The following GALNT10 variants were observed in gnomAD, a reference collection of about 807,000 sequenced individuals.
GALNT10 encodes GalNAc transferase 10.
A neutral mutation model predicts 75.0 loss-of-function variants in GALNT10; 41 were observed. The ratio of observed to expected loss-of-function variants is 0.55; its 90% confidence interval spans 0.43 to 0.71. The LOEUF (loss-of-function observed/expected upper bound fraction) is 0.71, where lower values mean the gene tolerates loss of function less well. Ranked by LOEUF, GALNT10 falls within the 30% of genes least tolerant of loss-of-function variation. GALNT10 has a pLI of 0.00. For missense variants in GALNT10, 727 were observed against 818.5 expected (o/e 0.89, Z 1.36); for synonymous variants, 302 against 313.0 (o/e 0.96, Z 0.37).
chr5:154,224,841 C>T lies in GALNT10; in HGVS notation c.159+33816C>T, dbSNP rs570358124. ...TGTCTCCCAGGTTAGAGTGCAGTGG[C>T]AGGATCTCGGCTCGCTGCAACCTCC... On this transcript the variant is annotated intron_variant, in intron 1 of 11. Coordinates refer to ENST00000297107, the MANE Select transcript of GALNT10 (RefSeq NM_198321.4). Among the ~76,000 whole-genome samples the T allele has an allele frequency of 1.6e-4, 23 of 141,330 alleles. No homozygotes were observed. The East Asian group carries it at 4.9e-3, about 30-fold the overall frequency. The allele number at this position is 141,330 out of a possible 152,430, so 92.7% of individuals were successfully genotyped here. A position where few individuals can be genotyped will look rare whatever the true frequency, so the allele number is the denominator to read the frequency against.
chr5:154,236,819 G>A (rs932191941), intron 1 of GALNT10, among the ~76,000 whole-genome samples: 1 of 152,214 alleles, frequency 6.6e-6, no homozygotes, highest in Non-Finnish European at 1.5e-5. Flanking sequence ...CCCCAGGGTG[G>A]TTGATGGATG....
At chr5:154,384,113 G>A (rs1022382115) in intron 6 of GALNT10, among the ~76,000 whole-genome samples, 1 of 152,064 alleles carries the variant, frequency 6.6e-6, no homozygotes, top group African/African-American at 2.4e-5. Flanking sequence ...CAGCAGCATG[G>A]GGGTAACTGC....
At chr5:154,390,732 ATGGAGAAAGAT>A in intron 7 of GALNT10, among the ~76,000 whole-genome samples, 1 of 152,304 alleles carries the variant, frequency 6.6e-6, no homozygotes, top group East Asian at 1.9e-4. Flanking sequence ...AGAACAGTGA[ATGGAGAAAGAT>A]TTGCACAAAG....
At chr5:154,393,680 C>A (rs1022888517) in intron 7 of GALNT10, among the ~76,000 whole-genome samples, 5 of 151,946 alleles carry the variant, frequency 3.3e-5, no homozygotes, top group African/African-American at 9.7e-5. Context: ...AAAAAAAGTT[C>A]TTTTAATTAG....
intron 4 of GALNT10, among the ~76,000 whole-genome samples, chr5:154,363,718 T>A (rs553542095): frequency 6.6e-6 from 1 of 152,172 alleles, no homozygotes; most frequent in South Asian, 2.1e-4. Context: ...GGGAACTTCA[T>A]GAGTGGTCAT....
At chr5:154,386,771 G>GACATAAGAAGT (rs1329115112) in intron 7 of GALNT10, 2 of 503,228 alleles carry the variant, frequency 4.0e-6, no homozygotes, top group African/African-American at 2.0e-5. Flanking sequence ...TAAGCAGTGG[G>GACATAAGAAGT]CCAGAGAAGC....
intron 1 of GALNT10, among the ~76,000 whole-genome samples, chr5:154,226,325 G>A (rs1205567627): frequency 1.3e-5 from 2 of 152,080 alleles, no homozygotes; most frequent in Non-Finnish European, 2.9e-5. Context: ...GTTTTCTACA[G>A]ACCTTCCAAG....
chr5:154,415,984 C>A (rs766603462), intron 11 of GALNT10, 52 bp downstream of exon 11: 7 of 1,534,702 alleles, frequency 4.6e-6, no homozygotes, highest in East Asian at 2.3e-5. Context: ...TTTTTTAAGG[C>A]AATACAGTGC....
Position 154,404,911 on chromosome 5 carries a change from T to C in GALNT10, c.1164+700T>C, listed in dbSNP as rs548683302. 2.0e-5 allele frequency among the ~76,000 whole-genome samples: 3 copies of C among 152,352 alleles called. No homozygotes were observed. In the South Asian group the frequency reaches 6.2e-4, roughly 32 times the overall value. ...CTATCAATCATTGCTTCAATTAAAT[T>C]GGCCACTGGCTGCAAATGGAAATCT... On this transcript the variant is annotated intron_variant, in intron 8 of 11. Coordinates refer to ENST00000297107, the MANE Select transcript of GALNT10 (RefSeq NM_198321.4).
At chr5:154,306,840 T>TCAG (rs745305824) in intron 3 of GALNT10, among the ~76,000 whole-genome samples, 8 of 151,958 alleles carry the variant, frequency 5.3e-5, no homozygotes, top group Non-Finnish European at 1.2e-4. Context: ...AGACAGAAAA[T>TCAG]CAGCAAGGAT....
intron 6 of GALNT10, among the ~76,000 whole-genome samples, chr5:154,384,427 T>G (rs1755777717): frequency 6.6e-6 from 1 of 152,254 alleles, no homozygotes; most frequent in Non-Finnish European, 1.5e-5. Context: ...TATTATCGTT[T>G]TAACATGTAA....
chr5:154,220,344 A>G (rs796585717), intron 1 of GALNT10: 20 of 152,354 alleles, frequency 1.3e-4, no homozygotes, highest in African/African-American at 4.6e-4. Context: ...TGAGTTACTA[A>G]TTAATTCAAC....
intron 1 of GALNT10, among the ~76,000 whole-genome samples, chr5:154,241,351 C>T (rs1180825408): frequency 2.6e-5 from 4 of 152,140 alleles, no homozygotes; most frequent in Non-Finnish European, 5.9e-5. Context: ...TAGAGGACAA[C>T]AGCAACATAA....
At position 154,409,466 on chromosome 5, in the gene GALNT10, A is replaced by G. The variant is rs766225218; in HGVS notation, c.1165-75A>G. 2.1e-6 allele frequency: 2 copies of G among 951,290 alleles called. No individual in the cohort carries two copies. The highest frequency in any genetic ancestry group is 2.4e-5 in the East Asian group (1 of 41,904). 58.9% of individuals were successfully genotyped at this position (951,290 alleles called of 1,614,324 possible). On this transcript the variant is annotated intron_variant, in intron 8 of 11. Transcript: ENST00000297107. This position sits in a 1 kb window ranked among gnomAD's most constrained non-coding sequence, Gnocchi z 4.5. ...TAAGAAGGGTTGACCTCGACCTGCC[A>G]GGACCCTTTTCACCCCACTGCCTGG...
intron 7 of GALNT10, chr5:154,388,265 AAT>A (rs1755837268): frequency 6.6e-6 from 1 of 152,198 alleles, no homozygotes. Context: ...AAATAAAATT[AAT>A]ATTCACATAA....
chr5:154,253,288 G>A (rs9324768), intron 1 of GALNT10, among the ~76,000 whole-genome samples: 97,743 of 149,308 alleles, frequency 0.65, 32,218 homozygotes, highest in East Asian at 0.86. Flanking sequence ...AAATTATCGC[G>A]AGGACAAAAA....
intron 1 of GALNT10, among the ~76,000 whole-genome samples, chr5:154,260,261 T>G (rs1753682664): frequency 6.6e-6 from 1 of 152,160 alleles, no homozygotes; most frequent in Non-Finnish European, 1.5e-5. Context: ...GTGCCTTTGA[T>G]TCTCTTTCCC....
chr5:154,257,978 T>C (rs1753642599), intron 1 of GALNT10, among the ~76,000 whole-genome samples: 2 of 152,112 alleles, frequency 1.3e-5, no homozygotes, highest in Non-Finnish European at 2.9e-5. Context: ...CTTCTAGAAG[T>C]TAAGGTATAT....
intron 7 of GALNT10, among the ~76,000 whole-genome samples, chr5:154,397,633 T>C (rs1310771561): frequency 1.3e-5 from 2 of 152,256 alleles, no homozygotes; most frequent in Non-Finnish European, 2.9e-5. Context: ...CAGTGAATGC[T>C]GAATGATTGG....
Sources: allele counts gnomAD v4.1 joint callset (sites outside exome capture counted in the v4.1 genomes callset), GRCh38; gene constraint gnomAD v4.1.1; non-coding constraint Gnocchi (gnomAD v3.1); transcripts MANE v1.5; gene names NCBI Gene and HGNC (gene_info 2026-07-23, HGNC 2026-07-21).